TIMP2: variants seen among roughly 807,000 people sequenced by gnomAD.
TIMP2 encodes the protein TIMP metallopeptidase inhibitor 2.
TIMP2 carries 5 observed loss-of-function variants against 24.3 expected under a neutral mutation model. The ratio of observed to expected loss-of-function variants is 0.21; its 90% CI spans 0.11 to 0.43. The LOEUF is 0.43. Among genes scored for constraint, TIMP2 ranks in the 20% least tolerant of loss-of-function variants. The pLI, the probability that TIMP2 is intolerant of heterozygous loss-of-function variation, is 1.00. For synonymous variants in TIMP2, 130 were observed against 123.2 expected, an observed-to-expected ratio of 1.06 and a Z score of -0.37; for missense variants, 221 against 297.5, an observed-to-expected ratio of 0.74 and a Z score of 1.89.
At chr17:78,888,892 C>A (rs778131715) in intron 1 of TIMP2, among the ~76,000 whole-genome samples, 2 of 152,092 alleles carry the variant, frequency 1.3e-5, no homozygotes, top group Non-Finnish European at 2.9e-5. Context: ...ATTCGTGGAC[C>A]AATGATACTA....
At chr17:78,865,754 T>C (rs1187013458) in intron 3 of TIMP2, among the ~76,000 whole-genome samples, 1 of 152,196 alleles carries the variant, frequency 6.6e-6, no homozygotes, top group Non-Finnish European at 1.5e-5. Context: ...ATTGTGCCAC[T>C]GCACTCCAGC....
intron 1 of TIMP2, chr17:78,892,189 G>C (rs564843473): frequency 6.4e-7 from 1 of 1,551,034 alleles, no homozygotes; most frequent in Non-Finnish European, 8.7e-7. Context: ...GCTGGAGCTG[G>C]TAGTTTTTCC....
At chr17:78,882,483 C>T (rs979813567) in intron 1 of TIMP2, among the ~76,000 whole-genome samples, 16 of 152,248 alleles carry the variant, frequency 1.1e-4, no homozygotes. Flanking sequence ...TTTTTCATGG[C>T]CCTGCTCTCA....
At chr17:78,918,078 A>ACACACACACACACGCG (rs1555652981) in intron 1 of TIMP2, among the ~76,000 whole-genome samples, 79 of 149,252 alleles carry the variant, frequency 5.3e-4, no homozygotes, top group African/African-American at 1.8e-3. Context: ...ACACACACAC[A>ACACACACACACACGCG]CACACACACA....
At chr17:78,914,952 A>G (rs1407032307) in intron 1 of TIMP2, among the ~76,000 whole-genome samples, 5 of 146,690 alleles carry the variant, frequency 3.4e-5, no homozygotes, top group South Asian at 2.1e-4. Flanking sequence ...GCTGGCATGC[A>G]GTGGCACGAT....
intron 3 of TIMP2, among the ~76,000 whole-genome samples, chr17:78,861,019 G>A (rs1268729388): frequency 3.7e-5 from 5 of 135,308 alleles, no homozygotes; most frequent in Non-Finnish European, 6.2e-5. Flanking sequence ...CTGGGCAACA[G>A]AGCAAGACTC....
At chr17:78,907,273 T>C (rs2070168545) in intron 1 of TIMP2, among the ~76,000 whole-genome samples, 1 of 151,976 alleles carries the variant, frequency 6.6e-6, no homozygotes, top group African/African-American at 2.4e-5. Flanking sequence ...GGCCTCAAGG[T>C]GATCCTCCCG....
chr17:78,872,250 C>A (rs1052404615), intron 2 of TIMP2, among the ~76,000 whole-genome samples: 2 of 151,950 alleles, frequency 1.3e-5, no homozygotes, highest in South Asian at 4.2e-4. Flanking sequence ...CTCGGCCTCC[C>A]AAAGTTCTGG....
chr17:78,883,255 G>C (rs949472617), intron 1 of TIMP2, among the ~76,000 whole-genome samples: 9 of 152,190 alleles, frequency 5.9e-5, no homozygotes, highest in African/African-American at 2.2e-4. Flanking sequence ...GTAGACACCG[G>C]AAGTGAAGAC....
chr17:78,919,589 C>T (rs1281992738), intron 1 of TIMP2, among the ~76,000 whole-genome samples: 3 of 152,212 alleles, frequency 2.0e-5, no homozygotes, highest in Non-Finnish European at 4.4e-5. Flanking sequence ...AATCTCAACA[C>T]TTTGGGAGGC....
intron 3 of TIMP2, among the ~76,000 whole-genome samples, chr17:78,861,605 C>CTT (rs953067288): frequency 4.2e-5 from 6 of 142,114 alleles, no homozygotes; most frequent in Non-Finnish European, 6.2e-5. Flanking sequence ...TGTATTTTTT[C>CTT]TTTTTTTTTT....
intron 3 of TIMP2, among the ~76,000 whole-genome samples, chr17:78,859,077 G>A (rs1169260451): frequency 1.3e-5 from 2 of 152,068 alleles, no homozygotes; most frequent in African/African-American, 2.4e-5. Context: ...TTAATTCACA[G>A]GTGCTTCTCC....
chr17:78,901,748 G>A, intron 1 of TIMP2: 1 of 717,362 alleles, frequency 1.4e-6, no homozygotes, highest in South Asian at 1.5e-5. Flanking sequence ...ACCACGAGAA[G>A]CACCTGAAAT....
At chr17:78,908,337 T>A (rs779160955) in intron 1 of TIMP2, among the ~76,000 whole-genome samples, 10 of 152,146 alleles carry the variant, frequency 6.6e-5, no homozygotes, top group Non-Finnish European at 1.2e-4. Context: ...CTCCAAGATA[T>A]AGGGCTGCCT....
intron 1 of TIMP2, chr17:78,899,462 G>C (rs1047219376): frequency 1.3e-5 from 2 of 152,238 alleles, no homozygotes; most frequent in African/African-American, 4.8e-5. Flanking sequence ...TGCTGGTGAA[G>C]GGGTAGATTC....
At chr17:78,914,966 G>A (rs1358613513) in intron 1 of TIMP2, among the ~76,000 whole-genome samples, 9 of 148,610 alleles carry the variant, frequency 6.1e-5, no homozygotes, top group Admixed American at 2.0e-4. Context: ...GCACGATCTC[G>A]GCTCACTGCA....
chr17:78,901,968 A>G (rs1212732370), intron 1 of TIMP2: 17 of 592,068 alleles, frequency 2.9e-5, no homozygotes, highest in Middle Eastern at 3.7e-4. Flanking sequence ...CAAACATCAG[A>G]AACATTTTTA....
chr17:78,922,261 G>T (rs757876644), intron 1 of TIMP2: 1 of 152,204 alleles, frequency 6.6e-6, no homozygotes, highest in African/African-American at 2.4e-5. Context: ...GGCCGCTGTC[G>T]TCCCTGTGGG....
chr17:78,913,821 G>A (rs1429294851), intron 1 of TIMP2, among the ~76,000 whole-genome samples: 1 of 151,328 alleles, frequency 6.6e-6, no homozygotes, highest in Non-Finnish European at 1.5e-5. Flanking sequence ...AAACCCAGGA[G>A]GCGGAGGTTG....
Sources: gnomAD v4.1 joint callset for allele counts (sites outside exome capture counted in the v4.1 genomes callset) on GRCh38, gnomAD v4.1.1 for gene constraint, MANE v1.5 for transcripts, NCBI Gene and HGNC (gene_info 2026-07-23, HGNC 2026-07-21) for gene names.